The following TUFM variants were observed in gnomAD, a reference collection of about 807,000 sequenced individuals.
TUFM encodes elongation factor Tu, mitochondrial.
Under a neutral mutation model 45.0 loss-of-function variants are expected in TUFM, and 23 were observed. That is an observed-to-expected ratio of 0.51 (90% CI 0.37 to 0.72). The LOEUF is 0.72. Among genes scored for constraint, TUFM ranks in the 30% least tolerant of loss-of-function variants. TUFM has a pLI of 0.00. For missense variants in TUFM, 490 were observed against 610.7 expected (o/e 0.80, Z 2.08); for synonymous variants, 243 against 252.9 (o/e 0.96, Z 0.37).
chr16:28,844,364 AC>A lies in TUFM; in HGVS notation c.818-31del. 1 of 1,614,014 alleles carries A rather than the reference AC, an allele frequency of 6.2e-7. No individual in the cohort carries two copies. The highest frequency in any genetic ancestry group is 1.1e-5 in the South Asian group (1 of 91,074). ...GAGGGAATAAGACAGGATATCAGGG[AC>A]CCCGAGCTAGGCTTCTGCTAGAGAG... On this transcript the variant is annotated intron_variant, in intron 6 of 9. Coordinates refer to ENST00000313511, the MANE Select transcript of TUFM (RefSeq NM_003321.5). This position sits in a 1 kb window ranked among gnomAD's most constrained non-coding sequence, Gnocchi z 5.8.
chr16:28,845,807 G>T, intron 2 of TUFM, 105 bp downstream of exon 2: 1 of 1,439,468 alleles, frequency 6.9e-7, no homozygotes, highest in Non-Finnish European at 9.6e-7. Context: ...TCGGGCTCTT[G>T]GGGCCACAGT....
chr16:28,846,333 C>T lies in TUFM; in HGVS notation c.-64G>A, dbSNP rs974003394. 25 of 1,519,054 alleles carry T rather than the reference C, an allele frequency of 1.6e-5. No individual in the cohort carries two copies. Among genetic ancestry groups the T allele is most frequent in the Middle Eastern group, 1.9e-4 (1 of 5,228 alleles). The allele number at this position is 1,519,054 out of a possible 1,614,324, so 94.1% of individuals were successfully genotyped here. Reference sequence around the variant, plus strand: ...CCGAGCGCACAGAAGAAGAAGGGCGCCTGCGGCTGGAAGGCACTTCCGGCG... The same window carrying T: ...CCGAGCGCACAGAAGAAGAAGGGCGTCTGCGGCTGGAAGGCACTTCCGGCG... On this transcript the variant is annotated 5_prime_UTR_variant, in exon 1 of 10. Transcript: ENST00000313511.
Position 28,845,301 on chromosome 16 carries a change from C to T in TUFM, c.414+13G>A. 2 of 1,614,078 alleles carry T rather than the reference C, an allele frequency of 1.2e-6. No homozygotes were observed. Among genetic ancestry groups the T allele is most frequent in the South Asian group, 2.2e-5 (2 of 91,076 alleles). ...GCTTCTGGCCCTGTCTCCAGTGTCC[C>T]AGCAACCCTCACCTTAACATAATCT... is the stretch of plus-strand genomic sequence containing the variant. On this transcript the variant is annotated intron_variant, in intron 3 of 9. Transcript: ENST00000313511.
At position 28,843,030 on chromosome 16, in the gene TUFM, A is replaced by G. The variant is rs1961840803; in HGVS notation, c.1313T>C (p.Leu438Pro). The G allele has an allele frequency of 1.2e-6, 2 of 1,614,240 alleles. No individual in the cohort carries two copies. Among genetic ancestry groups the G allele is most frequent in the Non-Finnish European group, 1.7e-6 (2 of 1,180,034 alleles). ...AGTCATGGCCAGCGTGTTGGTGACT[A>G]GACCGGTGCCAATAGTCCGGTTGCC... is the stretch of plus-strand genomic sequence containing the variant. ...RDGNRTIGTG[L>P]VTNTLAMTEE... Residue 438 changes from leucine to proline, a missense_variant, in exon 10 of 10, where the codon CTA (leucine) becomes CCA (proline). By Grantham distance (98) the Leu-to-Pro change is moderately conservative (BLOSUM62 -3). Coordinates refer to ENST00000313511, the MANE Select transcript of TUFM (RefSeq NM_003321.5).
At position 28,845,366 on chromosome 16, in the gene TUFM, G is replaced by A. The variant is rs1961914872; in HGVS notation, c.362C>T (p.Ala121Val). 2 of 1,614,056 alleles carry A rather than the reference G, an allele frequency of 1.2e-6. No homozygotes were observed. The highest frequency in any genetic ancestry group is 1.7e-6 in the Non-Finnish European group (2 of 1,180,006). ...GTCTGTGTGGGCGTAGTGGCGGGCG[G>A]CAGTGCTATACTCCACATGAGCCGC... ...INAAHVEYST[A>V]ARHYAHTDCP... Residue 121 changes from alanine to valine, a missense_variant, in exon 3 of 10, where the codon GCC becomes GTC. Physicochemically the swap from Ala to Val is moderately conservative, Grantham distance 64. Coordinates refer to ENST00000313511, the MANE Select transcript of TUFM (RefSeq NM_003321.5).
chr16:28,845,016 G>C lies in TUFM; in HGVS notation c.454C>G (p.Leu152Val), dbSNP rs1206133949. Residue 152 changes from leucine (L) to valine (V), a missense_variant, in exon 4 of 10, where the codon CTG becomes GTG. Leu to Val is a conservative substitution (Grantham distance 32, BLOSUM62 1). Coordinates refer to ENST00000313511, the MANE Select transcript of TUFM (RefSeq NM_003321.5). ...TGTAPLDGCI[L>V]VVAANDGPMP... is the part of the protein sequence containing the mutation. ...GGGCCGTCATTGGCTGCTACCACCA[G>C]GATGCAGCCGTCGAGGGGTGCAGTG... is the stretch of plus-strand genomic sequence containing the variant. 2 of 1,614,060 alleles carry C rather than the reference G, an allele frequency of 1.2e-6. No homozygotes were observed. Among genetic ancestry groups the C allele is most frequent in the Non-Finnish European group, 1.7e-6 (2 of 1,180,046 alleles).
At position 28,844,332 on chromosome 16, in the gene TUFM, G is replaced by T. The variant is rs751872107; in HGVS notation, c.820C>A (p.Arg274Ser). The T allele has an allele frequency of 6.2e-7, 1 of 1,614,180 alleles. No homozygotes were observed. The highest frequency in any genetic ancestry group is 1.3e-5 in the African/African-American group (1 of 75,044). Reference sequence around the variant, plus strand: ...AGTGTACCTGTCACCACGGTGCCACGGCCTGGGAGGGAATAAGACAGGATA... The same window carrying T: ...AGTGTACCTGTCACCACGGTGCCACTGCCTGGGAGGGAATAAGACAGGATA... Reference protein sequence around the residue: ...PVEAVYSVPGRGTVVTGTLER... With the variant: ...PVEAVYSVPGSGTVVTGTLER... Residue 274 changes from arginine (R) to serine (S), a missense_variant and splice_region_variant, in exon 7 of 10, where the codon CGT becomes AGT. By Grantham distance (110) the Arg-to-Ser change is moderately radical. Coordinates refer to ENST00000313511, the MANE Select transcript of TUFM (RefSeq NM_003321.5). The surrounding 1 kb of genome is among the most constrained non-coding windows in gnomAD (Gnocchi z 5.8).
In TUFM at chr16:28,844,399, G is replaced by A. The variant is rs1961878592; in HGVS notation, c.817+20C>T. 6.2e-7 allele frequency: 1 copy of A among 1,614,160 alleles called. No individual in the cohort carries two copies. Among genetic ancestry groups the A allele is most frequent in the Admixed American group, 1.7e-5 (1 of 60,020 alleles). ...AGGCTTCTGCTAGAGAGAGTGCGTGGGAACAGACAGAGTCCTCACCAGGGA... is the reference window on the plus strand; with the variant it reads ...AGGCTTCTGCTAGAGAGAGTGCGTGAGAACAGACAGAGTCCTCACCAGGGA... On this transcript the variant is annotated intron_variant, in intron 6 of 9. Transcript: ENST00000313511. The surrounding 1 kb of genome is among the most constrained non-coding windows in gnomAD (Gnocchi z 5.8).
In TUFM at chr16:28,845,247, A is replaced by G. The variant is rs542013132; in HGVS notation, c.414+67T>C. 5 of 1,611,876 alleles carry G rather than the reference A, an allele frequency of 3.1e-6. No homozygotes were observed. In the East Asian group the frequency reaches 8.9e-5, roughly 29 times the overall value. ...CTGAATATCTTAATCTCCTCCCCAC[A>G]AGCCTAACATTTATCCTGACAAGAG... On this transcript the variant is annotated intron_variant, in intron 3 of 9. Transcript: ENST00000313511.
Position 28,845,356 on chromosome 16 carries a change from G to C in TUFM, c.372C>G (p.His124Gln). The C allele has an allele frequency of 6.2e-7, 1 of 1,614,120 alleles. No homozygotes were observed. ...AHVEYSTAAR[H>Q]YAHTDCPGHA... The stretch of plus-strand genomic sequence containing the variant: ...GACCCGGGCAGTCTGTGTGGGCGTA[G>C]TGGCGGGCGGCAGTGCTATACTCCA... Residue 124 changes from histidine to glutamine, a missense_variant, in exon 3 of 10, where the codon CAC (histidine) becomes CAG (glutamine). By Grantham distance (24) the His-to-Gln change is conservative (BLOSUM62 0). Transcript: ENST00000313511.
intron 2 of TUFM, 93 bp from the exon 3 acceptor site, chr16:28,845,573 T>A (rs1384052687): frequency 4.8e-6 from 7 of 1,447,948 alleles, no homozygotes; most frequent in Non-Finnish European, 6.7e-6. Flanking sequence ...CCTAAATACA[T>A]AACCTCCTCC....
In TUFM at chr16:28,843,358, C is replaced by G. The variant is rs369672640; in HGVS notation, c.1195-210G>C. ...ATAAAAGAGACCAGTGATGAGTGTTCCTAAGGTATGTTCTTGAGAAAAAAA... is the reference window on the plus strand; with the variant it reads ...ATAAAAGAGACCAGTGATGAGTGTTGCTAAGGTATGTTCTTGAGAAAAAAA... On this transcript the variant is annotated intron_variant, in intron 9 of 9. Coordinates refer to ENST00000313511, the MANE Select transcript of TUFM (RefSeq NM_003321.5). 7.2e-5 allele frequency among the ~76,000 whole-genome samples: 11 copies of G among 152,244 alleles called. No individual in the cohort carries two copies. In the East Asian group the frequency reaches 1.5e-3, roughly 21 times the overall value.
At chr16:28,843,401 G>A (rs999149324) in intron 9 of TUFM, among the ~76,000 whole-genome samples, 3 of 152,160 alleles carry the variant, frequency 2.0e-5, no homozygotes, top group Non-Finnish European at 4.4e-5. Flanking sequence ...GAAGTTGTGG[G>A]TTATGCAGGT....
chr16:28,845,471 T>C lies in TUFM; in HGVS notation c.257A>G (p.Glu86Gly). Residue 86 changes from glutamate to glycine, a missense_variant, in exon 3 of 10, where the codon GAG becomes GGG. Coordinates refer to ENST00000313511, the MANE Select transcript of TUFM (RefSeq NM_003321.5). ...CTTCTTGAACTTAGCCCCACCTCCC[T>C]CAGCTAGAACTAAAGGAGGAAAAGA... ...LTAAITKILA[E>G]GGGAKFKKYE... is the part of the protein sequence containing the mutation. The C allele has an allele frequency of 6.2e-7, 1 of 1,614,068 alleles. No individual in the cohort carries two copies. Among genetic ancestry groups the C allele is most frequent in the Non-Finnish European group, 8.5e-7 (1 of 1,180,006 alleles).
At chr16:28,843,246 G>T in intron 9 of TUFM, 98 bp from the exon 10 acceptor site, 1 of 1,289,520 alleles carries the variant, frequency 7.8e-7, no homozygotes, top group Non-Finnish European at 1.1e-6. Flanking sequence ...ATGGGAGAAT[G>T]CAGCAGGGGA....
Position 28,845,801 on chromosome 16 carries a change from G to A in TUFM, c.247+111C>T. On this transcript the variant is annotated intron_variant, in intron 2 of 9. Coordinates refer to ENST00000313511, the MANE Select transcript of TUFM (RefSeq NM_003321.5). Reference sequence around the variant, plus strand: ...CAATCCACCTGTCGCACAAATTCGGGCTCTTGGGGCCACAGTAAACTCCTC... The same window carrying A: ...CAATCCACCTGTCGCACAAATTCGGACTCTTGGGGCCACAGTAAACTCCTC... The A allele has an allele frequency of 4.4e-6, 6 of 1,372,666 alleles. No homozygotes were observed. The South Asian group carries it at 7.2e-5, about 16-fold the overall frequency. 85.0% of individuals were successfully genotyped at this position (1,372,666 alleles called of 1,614,324 possible). A position where few individuals can be genotyped will look rare whatever the true frequency, so the allele number is the denominator to read the frequency against.
In TUFM at chr16:28,844,040, C is replaced by G. The variant is rs765090159; in HGVS notation, c.984G>C (p.Leu328=). The change falls in exon 8 of 10, where the codon CTG becomes CTC. Residue 328 remains leucine, a synonymous_variant. Transcript: ENST00000313511. This position sits in a 1 kb window ranked among gnomAD's most constrained non-coding sequence, Gnocchi z 5.8. ...AGTCCTCCCGCTTCAAGCCTCGGAC[C>G]AGGGCCCCGAGGTTATCTCCGGCCT... is the stretch of plus-strand genomic sequence containing the variant. The part of the protein sequence containing the change: ...RAEAGDNLGA[L]VRGLKREDLR... The G allele has an allele frequency of 6.8e-6, 11 of 1,614,224 alleles. No individual in the cohort carries two copies. The highest frequency in any genetic ancestry group is 2.2e-5 in the East Asian group (1 of 44,878).
chr16:28,845,079 C>G (rs911988333), intron 3 of TUFM, 24 bp from the exon 4 acceptor site: 31 of 1,612,194 alleles, frequency 1.9e-5, no homozygotes, highest in Non-Finnish European at 2.2e-5. Flanking sequence ...GGAAAGGAAA[C>G]AGCCAAGTTC....
At position 28,844,429 on chromosome 16, in the gene TUFM, G is replaced by C; in HGVS notation, c.807C>G (p.Tyr269Ter). The C allele has an allele frequency of 6.2e-7, 1 of 1,614,160 alleles. No individual in the cohort carries two copies. The highest frequency in any genetic ancestry group is 8.5e-7 in the Non-Finnish European group (1 of 1,180,026). Residue 269 changes from tyrosine to a stop codon, truncating the protein, a stop_gained, in exon 6 of 10, where the codon TAC becomes TAG. Coordinates refer to ENST00000313511, the MANE Select transcript of TUFM (RefSeq NM_003321.5). LOFTEE classifies it high-confidence loss of function. This position sits in a 1 kb window ranked among gnomAD's most constrained non-coding sequence, Gnocchi z 5.8. Reference sequence around the variant, plus strand: ...AGACAGAGTCCTCACCAGGGACGGAGTACACCGCCTCCACAGGCAGCAGGA... The same window carrying C: ...AGACAGAGTCCTCACCAGGGACGGACTACACCGCCTCCACAGGCAGCAGGA... The part of the protein sequence containing the change: ...KPFLLPVEAV[Y>*]SVPGRGTVVT...
Sources: allele counts gnomAD v4.1 joint callset (sites outside exome capture counted in the v4.1 genomes callset), GRCh38; gene constraint gnomAD v4.1.1; non-coding constraint Gnocchi (gnomAD v3.1); transcripts MANE v1.5; gene names NCBI Gene and HGNC (gene_info 2026-07-23, HGNC 2026-07-21).